CAMKK1: variants seen among roughly 807,000 people sequenced by gnomAD.
CAMKK1 encodes calcium/calmodulin-dependent protein kinase kinase 1.
Under a neutral mutation model 63.5 loss-of-function variants are expected in CAMKK1, and 20 were observed. That is an observed-to-expected ratio of 0.32 (90% CI 0.22 to 0.46). The LOEUF (loss-of-function observed/expected upper bound fraction) is 0.46, where lower values mean the gene tolerates loss of function less well. CAMKK1 is among the 20% of genes least tolerant of loss of function. The probability of loss-of-function intolerance (pLI) is 1.00; values close to 1 mark genes in which losing one functional copy is unlikely to be tolerated. For missense variants in CAMKK1, 588 were observed against 658.1 expected (o/e 0.89, Z 1.17); for synonymous variants, 253 against 269.0 (o/e 0.94, Z 0.58).
chr17:3,876,948 G>C (rs961229084), intron 9 of CAMKK1, among the ~76,000 whole-genome samples: 1 of 151,934 alleles, frequency 6.6e-6, no homozygotes, highest in South Asian at 2.1e-4. Flanking sequence ...AGTAGAGACA[G>C]GGTTTCGCCA....
chr17:3,888,711 C>T (rs1195592503), intron 1 of CAMKK1, among the ~76,000 whole-genome samples: 1 of 152,238 alleles, frequency 6.6e-6, no homozygotes, highest in African/African-American at 2.4e-5. Flanking sequence ...CGAGGGCTGA[C>T]GTCAGGCTCC....
At chr17:3,880,122 AG>A (rs2055341226) in intron 9 of CAMKK1, 1 of 572,550 alleles carries the variant, frequency 1.7e-6, no homozygotes, top group Non-Finnish European at 3.1e-6. Flanking sequence ...CCACAGGACC[AG>A]ACACGACGAA....
chr17:3,882,663 G>T lies in CAMKK1; in HGVS notation c.649-99C>A. The T allele has an allele frequency of 9.0e-7, 1 of 1,106,004 alleles. No individual in the cohort carries two copies. Among genetic ancestry groups the T allele is most frequent in the South Asian group, 1.3e-5 (1 of 74,194 alleles). 68.5% of individuals were successfully genotyped at this position (1,106,004 alleles called of 1,614,324 possible). ...TTGCCAGCCCCAGAACCCTTAGTAT[G>T]CATGCAACCACCCCAGACAAGGAAG... On this transcript the variant is annotated intron_variant, in intron 6 of 15. Transcript: ENST00000348335. The surrounding 1 kb of genome is among the most constrained non-coding windows in gnomAD (Gnocchi z 4.3).
intron 8 of CAMKK1, 142 bp downstream of exon 8, chr17:3,881,485 G>C: frequency 1.4e-6 from 1 of 701,834 alleles, no homozygotes; most frequent in Non-Finnish European, 2.4e-6. Context: ...TGGTCCTCTT[G>C]GTCTCTTATT....
At chr17:3,874,845 GGC>G (rs1330990939) in intron 10 of CAMKK1, among the ~76,000 whole-genome samples, 1 of 151,966 alleles carries the variant, frequency 6.6e-6, no homozygotes, top group Non-Finnish European at 1.5e-5. Flanking sequence ...TTTCTGGCTG[GGC>G]GTGGTGGCTC....
Position 3,862,926 on chromosome 17 carries a change from C to T in CAMKK1, c.1446-643G>A, listed in dbSNP as rs1419935286. On this transcript the variant is annotated intron_variant, in intron 15 of 15. Coordinates refer to ENST00000348335, the MANE Select transcript of CAMKK1 (RefSeq NM_032294.3). This position sits in a 1 kb window ranked among gnomAD's most constrained non-coding sequence, Gnocchi z 4.1. ...TGTTGGGATTGCAGGCGTGAGCCACCGTGCCCGGCCTGAGGGCCTTCTGTG... is the reference window on the plus strand; with the variant it reads ...TGTTGGGATTGCAGGCGTGAGCCACTGTGCCCGGCCTGAGGGCCTTCTGTG... Among the ~76,000 whole-genome samples the T allele has an allele frequency of 1.3e-5, 2 of 152,132 alleles. No individual in the cohort carries two copies. Among genetic ancestry groups the T allele is most frequent in the Non-Finnish European group, 2.9e-5 (2 of 68,018 alleles).
In CAMKK1 at chr17:3,866,030, C is replaced by A. The variant is rs199988262; in HGVS notation, c.1342-19G>T. On this transcript the variant is annotated intron_variant, in intron 14 of 15. Transcript: ENST00000348335. ...CCAGGATCTGAGGAGGACAAGGCAG[C>A]GTGAGGAGCACAGGTCCCAGGCTCC... is the stretch of plus-strand genomic sequence containing the variant. 3 of 1,612,238 alleles carry A rather than the reference C, an allele frequency of 1.9e-6. No individual in the cohort carries two copies. In the African/African-American group the frequency reaches 4.0e-5, roughly 22 times the overall value.
In CAMKK1 at chr17:3,882,381, G is replaced by T. The variant is rs377420500; in HGVS notation, c.685+147C>A. The T allele has an allele frequency of 6.2e-7, 1 of 1,606,664 alleles. No homozygotes were observed. Among genetic ancestry groups the T allele is most frequent in the African/African-American group, 1.3e-5 (1 of 74,852 alleles). On this transcript the variant is annotated intron_variant, in intron 7 of 15. Transcript: ENST00000348335. The surrounding 1 kb of genome is among the most constrained non-coding windows in gnomAD (Gnocchi z 4.3). The stretch of plus-strand genomic sequence containing the variant: ...CCTGGTTCTGCAGGGCTGGGCAAGG[G>T]AATCCAGGGCTTCAGAACGTGTGTT...
In CAMKK1 at chr17:3,892,586, C is replaced by G. The variant is rs561280089; in HGVS notation, c.-44+353G>C. Among the ~76,000 whole-genome samples, 6 of 152,306 alleles carry G rather than the reference C, an allele frequency of 3.9e-5. No homozygotes were observed. The East Asian group carries it at 1.2e-3, about 29-fold the overall frequency. On this transcript the variant is annotated intron_variant, in intron 1 of 15. Coordinates refer to ENST00000348335, the MANE Select transcript of CAMKK1 (RefSeq NM_032294.3). This position sits in a 1 kb window ranked among gnomAD's most constrained non-coding sequence, Gnocchi z 7.5. Reference sequence around the variant, plus strand: ...CGCGGAGAACCGCACGTGGGTGCCCCGGGCCGGGCCCACTCCGCACAGACG... The same window carrying G: ...CGCGGAGAACCGCACGTGGGTGCCCGGGGCCGGGCCCACTCCGCACAGACG...
intron 15 of CAMKK1, among the ~76,000 whole-genome samples, chr17:3,863,711 A>G (rs1411347560): frequency 5.3e-5 from 8 of 150,240 alleles, no homozygotes; most frequent in Non-Finnish European, 3.0e-5. Flanking sequence ...CTCCATCTCT[A>G]TTTTTTTTTT....
chr17:3,890,719 C>T lies in CAMKK1; in HGVS notation c.-44+2220G>A. The stretch of plus-strand genomic sequence containing the variant: ...CTCCACTGCAGCCACACCACAGCTT[C>T]CCAAATTGCATACTCTGTTCTGCTG... On this transcript the variant is annotated intron_variant, in intron 1 of 15. Coordinates refer to ENST00000348335, the MANE Select transcript of CAMKK1 (RefSeq NM_032294.3). The surrounding 1 kb of genome is among the most constrained non-coding windows in gnomAD (Gnocchi z 6.5). 5.1e-6 allele frequency: 4 copies of T among 779,776 alleles called. No homozygotes were observed. In the South Asian group the frequency reaches 5.4e-5, roughly 10 times the overall value. The allele number at this position is 779,776 out of a possible 1,614,324, so 48.3% of individuals were successfully genotyped here.
At chr17:3,873,606 C>T (rs545433000) in intron 10 of CAMKK1, 144 bp from the exon 11 acceptor site, 1 of 784,726 alleles carries the variant, frequency 1.3e-6, no homozygotes. Context: ...GGTACTTGCC[C>T]GATGCTGGGC....
At chr17:3,875,263 T>C (rs567160520) in intron 10 of CAMKK1, among the ~76,000 whole-genome samples, 10 of 152,270 alleles carry the variant, frequency 6.6e-5, no homozygotes, top group African/African-American at 2.4e-4. Flanking sequence ...ATAAAACATT[T>C]CAAAAAATCT....
In CAMKK1 at chr17:3,860,345, C is replaced by G. The variant is rs2143760771; in HGVS notation, c.*1866G>C. The stretch of plus-strand genomic sequence containing the variant: ...TTTTTCTTTTTAACTCAAGAAAGGG[C>G]TTTTATTGTTTTTAACTCACTTCCT... On this transcript the variant is annotated 3_prime_UTR_variant, in exon 16 of 16. Transcript: ENST00000348335. The G allele has an allele frequency of 6.6e-6, 1 of 152,366 alleles. No homozygotes were observed. Among genetic ancestry groups the G allele is most frequent in the Admixed American group, 6.6e-5 (1 of 15,260 alleles). 9.4% of individuals were successfully genotyped at this position (152,366 alleles called of 1,614,324 possible).
At chr17:3,874,059 C>A (rs1038742413) in intron 10 of CAMKK1, among the ~76,000 whole-genome samples, 4 of 152,216 alleles carry the variant, frequency 2.6e-5, no homozygotes, top group Non-Finnish European at 5.9e-5. Flanking sequence ...TCCACTTTCT[C>A]GCTTATATGA....
At chr17:3,878,637 T>C (rs7208983) in intron 9 of CAMKK1, among the ~76,000 whole-genome samples, 18,492 of 151,920 alleles carry the variant, frequency 0.12, 2,092 homozygotes, top group East Asian at 0.31. Flanking sequence ...AGTCTTAATC[T>C]GAAGGCAAAG....
At chr17:3,873,354 C>T in intron 11 of CAMKK1, 55 bp downstream of exon 11, 1 of 1,535,746 alleles carries the variant, frequency 6.5e-7, no homozygotes, top group South Asian at 1.1e-5. Context: ...GCATCCGTCG[C>T]CCGTGCCCGC....
intron 10 of CAMKK1, among the ~76,000 whole-genome samples, chr17:3,874,375 A>G (rs987496750): frequency 2.0e-5 from 3 of 152,016 alleles, no homozygotes; most frequent in Non-Finnish European, 4.4e-5. Flanking sequence ...TGGATTATGT[A>G]TGTCTTTTTT....
At position 3,882,267 on chromosome 17, in the gene CAMKK1, AG is replaced by A. The variant is rs752413416; in HGVS notation, c.685+260del. The A allele has an allele frequency of 6.2e-7, 1 of 1,612,778 alleles. No individual in the cohort carries two copies. The highest frequency in any genetic ancestry group is 1.3e-5 in the African/African-American group (1 of 74,854). On this transcript the variant is annotated intron_variant, in intron 7 of 15. Coordinates refer to ENST00000348335, the MANE Select transcript of CAMKK1 (RefSeq NM_032294.3). This position sits in a 1 kb window ranked among gnomAD's most constrained non-coding sequence, Gnocchi z 4.3. Reference sequence around the variant, plus strand: ...GCTTCCTGCATCTACCTGAGCGCGCAGCCCACGTGGATCCACTGTCTTGCTG... The same window carrying A: ...GCTTCCTGCATCTACCTGAGCGCGCACCCACGTGGATCCACTGTCTTGCTG...
Sources: gnomAD v4.1 joint callset for allele counts (sites outside exome capture counted in the v4.1 genomes callset) on GRCh38, gnomAD v4.1.1 for gene constraint, Gnocchi (gnomAD v3.1) non-coding constraint, MANE v1.5 for transcripts, NCBI Gene and HGNC (gene_info 2026-07-23, HGNC 2026-07-21) for gene names.